KCNT2: variants seen among roughly 807,000 people sequenced by gnomAD.
The protein encoded by KCNT2 is potassium channel subfamily T member 2.
KCNT2 carries 67 observed loss-of-function variants against 153.8 expected under a neutral mutation model. The observed-to-expected ratio is 0.44, with a 90% CI of 0.36 to 0.53. KCNT2 has a LOEUF of 0.53. Among genes scored for constraint, KCNT2 ranks in the 20% least tolerant of loss-of-function variants. The pLI, the probability that KCNT2 is intolerant of heterozygous loss-of-function variation, is 0.00. For synonymous variants in KCNT2, 500 were observed against 458.8 expected, an observed-to-expected ratio of 1.09 and a Z score of -1.15; for missense variants, 975 against 1,354.8, an observed-to-expected ratio of 0.72 and a Z score of 4.40.
intron 1 of KCNT2, among the ~76,000 whole-genome samples, chr1:196,584,902 G>T (rs1303500929): frequency 6.6e-6 from 1 of 151,992 alleles, no homozygotes; most frequent in African/African-American, 2.4e-5. Flanking sequence ...TTGTTTGTTT[G>T]TTTGGGGGTG....
At chr1:196,562,079 C>A (rs1050924276) in intron 1 of KCNT2, among the ~76,000 whole-genome samples, 10 of 151,732 alleles carry the variant, frequency 6.6e-5, no homozygotes, top group African/African-American at 2.2e-4. Context: ...AGGTGCCAGG[C>A]CCTTAGTTAA....
intron 21 of KCNT2, among the ~76,000 whole-genome samples, chr1:196,311,953 T>A (rs997816820): frequency 2.8e-4 from 43 of 151,898 alleles, no homozygotes; most frequent in African/African-American, 9.4e-4. Flanking sequence ...AAACTTTGTT[T>A]AGATATTAGT....
chr1:196,577,985 A>T (rs902456724), intron 1 of KCNT2, among the ~76,000 whole-genome samples: 2 of 150,438 alleles, frequency 1.3e-5, no homozygotes, highest in Non-Finnish European at 3.0e-5. Flanking sequence ...AAAACGTGTA[A>T]TTTTTTTTTT....
chr1:196,302,965 T>C (rs1452778191), intron 22 of KCNT2, among the ~76,000 whole-genome samples: 2 of 151,922 alleles, frequency 1.3e-5, no homozygotes, highest in Non-Finnish European at 2.9e-5. Flanking sequence ...TTGAGTTTCT[T>C]TTTTCTTCAT....
chr1:196,465,874 A>G (rs898851822), intron 7 of KCNT2, among the ~76,000 whole-genome samples: 39 of 151,870 alleles, frequency 2.6e-4, no homozygotes, highest in African/African-American at 9.4e-4. Flanking sequence ...CCAATAAACA[A>G]TTTTTTTCTA....
intron 20 of KCNT2, 99 bp downstream of exon 20, chr1:196,319,385 G>T: frequency 1.6e-6 from 1 of 641,738 alleles, no homozygotes; most frequent in Non-Finnish European, 2.7e-6. Context: ...TTGCAATACT[G>T]ACACGGCAAA....
At chr1:196,439,336 T>G (rs1675014729) in intron 8 of KCNT2, among the ~76,000 whole-genome samples, 1 of 151,966 alleles carries the variant, frequency 6.6e-6, no homozygotes, top group African/African-American at 2.4e-5. Context: ...TGGCTAAATT[T>G]GTCCTTAAAC....
chr1:196,479,270 C>A (rs375694661), intron 4 of KCNT2, 32 bp from the exon 5 acceptor site: 2 of 1,260,852 alleles, frequency 1.6e-6, no homozygotes, highest in African/African-American at 1.5e-5. Context: ...AATGAGAAAA[C>A]GCAATACAAT....
At chr1:196,578,031 A>C (rs1483389135) in intron 1 of KCNT2, among the ~76,000 whole-genome samples, 1 of 152,154 alleles carries the variant, frequency 6.6e-6, no homozygotes, top group East Asian at 1.9e-4. Context: ...TGAAATCTGC[A>C]CTGCTTTTAG....
At chr1:196,430,577 T>G (rs1674066097) in intron 8 of KCNT2, among the ~76,000 whole-genome samples, 2 of 152,040 alleles carry the variant, frequency 1.3e-5, no homozygotes, top group South Asian at 4.1e-4. Flanking sequence ...CGCTTCCATT[T>G]ATTATAAATT....
intron 13 of KCNT2, among the ~76,000 whole-genome samples, chr1:196,386,482 C>T (rs1171651093): frequency 6.6e-6 from 1 of 152,056 alleles, no homozygotes; most frequent in Non-Finnish European, 1.5e-5. Context: ...GTGTTGACTA[C>T]CACTATTATT....
At chr1:196,606,700 T>A (rs1010006590) in intron 1 of KCNT2, among the ~76,000 whole-genome samples, 1 of 152,138 alleles carries the variant, frequency 6.6e-6, no homozygotes, top group South Asian at 2.1e-4. Flanking sequence ...AACCAAAGTA[T>A]GTGCTTTATG....
chr1:196,513,793 A>G (rs1367835869), intron 1 of KCNT2, among the ~76,000 whole-genome samples: 2 of 152,190 alleles, frequency 1.3e-5, no homozygotes, highest in Non-Finnish European at 2.9e-5. Context: ...TATCCTCCAA[A>G]TGGACCTTAG....
At position 196,455,877 on chromosome 1, in the gene KCNT2, C is replaced by A. The variant is rs1177296302; in HGVS notation, c.638+9416G>T. On this transcript the variant is annotated intron_variant, in intron 8 of 27. Transcript: ENST00000294725. ...TTTCTGACCCTGTTCTCAAATTTCCCACTTTCAGTAGATGGAGAGGCCTCA... is the reference window on the plus strand; with the variant it reads ...TTTCTGACCCTGTTCTCAAATTTCCAACTTTCAGTAGATGGAGAGGCCTCA... 3.9e-5 allele frequency among the ~76,000 whole-genome samples: 6 copies of A among 152,138 alleles called. No homozygotes were observed. In the East Asian group the frequency reaches 1.2e-3, roughly 30 times the overall value.
At chr1:196,350,944 C>A (rs1045007749) in intron 14 of KCNT2, among the ~76,000 whole-genome samples, 5 of 152,096 alleles carry the variant, frequency 3.3e-5, no homozygotes, top group African/African-American at 1.2e-4. Context: ...TTCCCAGCAC[C>A]ATTTATTAAA....
At chr1:196,257,912 C>A in intron 26 of KCNT2, 3 of 963,054 alleles carry the variant, frequency 3.1e-6, no homozygotes, top group Non-Finnish European at 3.7e-6. Flanking sequence ...AACATGAAAA[C>A]ACAGGGTCTG....
At chr1:196,308,817 A>AT (rs1661880491) in intron 21 of KCNT2, among the ~76,000 whole-genome samples, 1 of 152,022 alleles carries the variant, frequency 6.6e-6, no homozygotes, top group African/African-American at 2.4e-5. Flanking sequence ...CAAATAAAAT[A>AT]AATTATTAAC....
At chr1:196,577,494 C>T (rs916136025) in intron 1 of KCNT2, among the ~76,000 whole-genome samples, 13 of 152,064 alleles carry the variant, frequency 8.5e-5, no homozygotes, top group African/African-American at 2.2e-4. Flanking sequence ...GAGAAGAAAG[C>T]GGCACAGATA....
At chr1:196,239,177 A>T in intron 26 of KCNT2, among the ~76,000 whole-genome samples, 1 of 152,082 alleles carries the variant, frequency 6.6e-6, no homozygotes, top group South Asian at 2.1e-4. Flanking sequence ...AAATAAAAAT[A>T]TATATGAAGG....
Sources: gnomAD v4.1 joint callset for allele counts (sites outside exome capture counted in the v4.1 genomes callset) on GRCh38, gnomAD v4.1.1 for gene constraint, MANE v1.5 for transcripts, NCBI Gene and HGNC (gene_info 2026-07-23, HGNC 2026-07-21) for gene names.